Variants in SDK2 observed in about 807,000 individuals in gnomAD.
The protein encoded by SDK2 is sidekick cell adhesion molecule 2.
SDK2 carries 105 observed loss-of-function variants against 253.9 expected under a neutral mutation model. The ratio of observed to expected loss-of-function variants is 0.41; its 90% CI spans 0.35 to 0.49. The LOEUF is 0.49. SDK2 is among the 20% of genes least tolerant of loss of function. The pLI is 0.06. For missense variants in SDK2, 2,608 were observed against 3,003.0 expected (o/e 0.87, Z 3.07); for synonymous variants, 1,249 against 1,234.9 (o/e 1.01, Z -0.24).
intron 31 of SDK2, 88 bp from the exon 32 acceptor site, chr17:73,386,005 G>T: frequency 1.0e-6 from 1 of 957,068 alleles, no homozygotes; most frequent in Non-Finnish European, 1.6e-6. Context: ...GCTAATACTG[G>T]ACTGCGGGGC....
chr17:73,592,954 T>C (rs1160903072), intron 1 of SDK2, among the ~76,000 whole-genome samples: 2 of 150,670 alleles, frequency 1.3e-5, no homozygotes, highest in Non-Finnish European at 2.9e-5. Flanking sequence ...GGGGTGTCCG[T>C]AGCTCGCCGG....
chr17:73,523,835 C>T (rs2064103746), intron 1 of SDK2, among the ~76,000 whole-genome samples: 1 of 151,968 alleles, frequency 6.6e-6, no homozygotes, highest in South Asian at 2.1e-4. Flanking sequence ...TTCCCAGATG[C>T]TGCCCCAGCA....
chr17:73,396,735 C>A (rs12603487), intron 24 of SDK2, among the ~76,000 whole-genome samples: 2 of 152,210 alleles, frequency 1.3e-5, no homozygotes, highest in Admixed American at 6.5e-5. Flanking sequence ...CCCTGCCCTC[C>A]GCATCAGGCT....
rs149713530 is a variant in SDK2, at chr17:73,354,959, G to A, written c.5594-2322C>T. Among the ~76,000 whole-genome samples, 353 of 151,516 alleles carry A rather than the reference G, an allele frequency of 2.3e-3. 1 individual carries two copies. Among genetic ancestry groups the A allele is most frequent in the African/African-American group, 8.1e-3 (334 of 41,250 alleles). On this transcript the variant is annotated intron_variant, in intron 40 of 44. Coordinates refer to ENST00000392650, the MANE Select transcript of SDK2 (RefSeq NM_001144952.2). Reference sequence around the variant, plus strand: ...AGCAGAGGCGCCTCGACACCCTGGCGTCCTGTCTGAATTTTGGACCCAGTG... The same window carrying A: ...AGCAGAGGCGCCTCGACACCCTGGCATCCTGTCTGAATTTTGGACCCAGTG...
chr17:73,384,035 G>A (rs1438749733), intron 32 of SDK2, 24 bp from the exon 33 acceptor site: 1 of 1,609,748 alleles, frequency 6.2e-7, no homozygotes, highest in Non-Finnish European at 8.5e-7. Flanking sequence ...GTAGGGCATG[G>A]GGAGGGCACC....
chr17:73,550,427 A>G (rs2145835651), intron 1 of SDK2, among the ~76,000 whole-genome samples: 1 of 152,348 alleles, frequency 6.6e-6, no homozygotes, highest in East Asian at 1.9e-4. Flanking sequence ...TGGATGAAGT[A>G]GCACCAAAGG....
At chr17:73,357,228 T>A (rs902787961) in intron 40 of SDK2, 1 of 152,374 alleles carries the variant, frequency 6.6e-6, no homozygotes. Context: ...TTGGGATGAT[T>A]AGTGCCCAGC....
intron 1 of SDK2, among the ~76,000 whole-genome samples, chr17:73,552,944 G>A (rs543815398): frequency 1.7e-4 from 26 of 152,388 alleles, no homozygotes; most frequent in Admixed American, 3.3e-4. Flanking sequence ...AGGAGCCGTA[G>A]AGGAGAGGCT....
intron 4 of SDK2, among the ~76,000 whole-genome samples, chr17:73,453,677 C>G (rs1344264761): frequency 6.6e-6 from 1 of 152,182 alleles, no homozygotes; most frequent in Non-Finnish European, 1.5e-5. Flanking sequence ...GCACCTGGCC[C>G]ACTGAGCTGT....
intron 36 of SDK2, among the ~76,000 whole-genome samples, chr17:73,371,522 C>T (rs532345262): frequency 6.6e-5 from 10 of 152,072 alleles, no homozygotes; most frequent in African/African-American, 2.4e-4. Flanking sequence ...GGAAGAGCTT[C>T]GGTGGGGTGG....
chr17:73,366,376 GC>G (rs1405114557), intron 37 of SDK2, among the ~76,000 whole-genome samples: 1 of 152,180 alleles, frequency 6.6e-6, no homozygotes, highest in Admixed American at 6.5e-5. Flanking sequence ...ATATTCAGCA[GC>G]TCACGCTCAT....
chr17:73,641,928 A>G (rs1402005639), intron 1 of SDK2, among the ~76,000 whole-genome samples: 3 of 152,150 alleles, frequency 2.0e-5, no homozygotes, highest in Non-Finnish European at 4.4e-5. Flanking sequence ...GCCTCCAGGG[A>G]CACACACAGC....
intron 2 of SDK2, among the ~76,000 whole-genome samples, chr17:73,499,652 C>T (rs2063870386): frequency 6.6e-6 from 1 of 152,208 alleles, no homozygotes; most frequent in Non-Finnish European, 1.5e-5. Flanking sequence ...GAGGGCAGCA[C>T]ACTCAGGTCC....
At chr17:73,530,787 T>C (rs1162424870) in intron 1 of SDK2, among the ~76,000 whole-genome samples, 1 of 152,224 alleles carries the variant, frequency 6.6e-6, no homozygotes, top group East Asian at 1.9e-4. Flanking sequence ...AAGGGAATCA[T>C]TTTGAGCATC....
chr17:73,455,501 G>A lies in SDK2; in HGVS notation c.479+405C>T, dbSNP rs2063519489. On this transcript the variant is annotated intron_variant, in intron 4 of 44. Coordinates refer to ENST00000392650, the MANE Select transcript of SDK2 (RefSeq NM_001144952.2). The surrounding 1 kb of genome is among the most constrained non-coding windows in gnomAD (Gnocchi z 5.0). ...CAGTAAACACCCTGCCAACGGACGCGCCCAGGGCCTCCCGGCTGCCCAGGA... is the reference window on the plus strand; with the variant it reads ...CAGTAAACACCCTGCCAACGGACGCACCCAGGGCCTCCCGGCTGCCCAGGA... 6.6e-6 allele frequency among the ~76,000 whole-genome samples: 1 copy of A among 152,102 alleles called. No individual in the cohort carries two copies. The highest frequency in any genetic ancestry group is 6.5e-5 in the Admixed American group (1 of 15,272).
chr17:73,422,526 TG>T, intron 14 of SDK2, 92 bp from the exon 15 acceptor site: 3 of 1,444,214 alleles, frequency 2.1e-6, no homozygotes, highest in Non-Finnish European at 2.9e-6. Context: ...CCAGCTTCAC[TG>T]GGGCTGGCAA....
intron 44 of SDK2, among the ~76,000 whole-genome samples, chr17:73,343,206 TC>T (rs2062454413): frequency 6.6e-6 from 1 of 152,110 alleles, no homozygotes; most frequent in Non-Finnish European, 1.5e-5. Context: ...TCCCAGGCAC[TC>T]TATGGGCAGC....
At chr17:73,427,791 G>C (rs1177945000) in intron 12 of SDK2, among the ~76,000 whole-genome samples, 1 of 152,064 alleles carries the variant, frequency 6.6e-6, no homozygotes. Context: ...CTTGGGTTTG[G>C]CAATGACTTT....
Position 73,395,142 on chromosome 17 carries a change from G to A in SDK2, c.3592+13C>T. The A allele has an allele frequency of 6.4e-7, 1 of 1,568,688 alleles. No homozygotes were observed. Among genetic ancestry groups the A allele is most frequent in the Non-Finnish European group, 8.6e-7 (1 of 1,158,292 alleles). On this transcript the variant is annotated intron_variant, in intron 25 of 44. Coordinates refer to ENST00000392650, the MANE Select transcript of SDK2 (RefSeq NM_001144952.2). The surrounding 1 kb of genome is among the most constrained non-coding windows in gnomAD (Gnocchi z 4.3). ...GACAGGCAGCAGGGTGGCTGGGTGT[G>A]AGGGGTTGGTACCTGACTCCCGGGT...
Sources: allele counts gnomAD v4.1 joint callset (sites outside exome capture counted in the v4.1 genomes callset), GRCh38; gene constraint gnomAD v4.1.1; non-coding constraint Gnocchi (gnomAD v3.1); transcripts MANE v1.5; gene names NCBI Gene and HGNC (gene_info 2026-07-23, HGNC 2026-07-21).